The following DLGAP1 variants were observed in gnomAD, a reference collection of about 807,000 sequenced individuals.
DLGAP1 encodes the protein DLG associated protein 1.
In DLGAP1, 11 loss-of-function variants were observed where a neutral mutation model predicts 90.8. The observed-to-expected ratio is 0.12, with a 90% CI of 0.08 to 0.20. DLGAP1 has a LOEUF of 0.20. Among genes scored for constraint, DLGAP1 ranks in the 10% least tolerant of loss-of-function variants. DLGAP1 has a pLI of 1.00. For missense variants in DLGAP1, 1,050 were observed against 1,333.8 expected, an observed-to-expected ratio of 0.79 and a Z score of 3.31; for synonymous variants, 558 against 540.7, an observed-to-expected ratio of 1.03 and a Z score of -0.44.
At chr18:4,228,904 T>C (rs1214074026) in intron 1 of DLGAP1, among the ~76,000 whole-genome samples, 1 of 152,016 alleles carries the variant, frequency 6.6e-6, no homozygotes, top group African/African-American at 2.4e-5. Context: ...TGTCAAATTA[T>C]CCTTGTTTGC....
At chr18:3,738,051 C>T (rs985154775) in intron 6 of DLGAP1, among the ~76,000 whole-genome samples, 6,736 of 150,128 alleles carry the variant, frequency 0.045, 492 homozygotes, top group African/African-American at 0.16. Flanking sequence ...AAAATACCTA[C>T]GAATCCAACT....
At chr18:4,356,491 G>T (rs574811191) in intron 1 of DLGAP1, among the ~76,000 whole-genome samples, 22 of 151,994 alleles carry the variant, frequency 1.4e-4, no homozygotes, top group Non-Finnish European at 2.5e-4. Context: ...TATATTTCTA[G>T]CAACACAAGT....
At chr18:4,045,000 A>G (rs1056009873) in intron 2 of DLGAP1, among the ~76,000 whole-genome samples, 1 of 152,144 alleles carries the variant, frequency 6.6e-6, no homozygotes, top group African/African-American at 2.4e-5. Flanking sequence ...ACACCAAGAT[A>G]AACCAAAGAA....
At chr18:4,018,280 G>A (rs117265573) in intron 2 of DLGAP1, among the ~76,000 whole-genome samples, 3 of 152,196 alleles carry the variant, frequency 2.0e-5, no homozygotes, top group South Asian at 2.1e-4. Flanking sequence ...CTGGAGTCCC[G>A]AGCTGGGATG....
At chr18:4,317,431 C>T (rs1172172831) in intron 1 of DLGAP1, among the ~76,000 whole-genome samples, 1 of 152,142 alleles carries the variant, frequency 6.6e-6, no homozygotes, top group African/African-American at 2.4e-5. Context: ...GGTATCATGA[C>T]ATAGAATTAC....
At chr18:4,070,110 G>A (rs12961240) in intron 2 of DLGAP1, among the ~76,000 whole-genome samples, 80,547 of 151,606 alleles carry the variant, frequency 0.53, 22,405 homozygotes, top group Non-Finnish European at 0.63. Context: ...GGCCTCCTGC[G>A]TAGCAGGGAT....
chr18:4,136,960 T>G (rs1193979666), intron 2 of DLGAP1, among the ~76,000 whole-genome samples: 1 of 152,198 alleles, frequency 6.6e-6, no homozygotes, highest in Non-Finnish European at 1.5e-5. Flanking sequence ...GCAGGTTAGT[T>G]ACATATGTAT....
chr18:4,292,195 G>A (rs2079865516), intron 1 of DLGAP1, among the ~76,000 whole-genome samples: 1 of 152,108 alleles, frequency 6.6e-6, no homozygotes, highest in African/African-American at 2.4e-5. Context: ...TAATTAGGCA[G>A]CATTAGCAAC....
At chr18:4,063,376 A>G (rs1174621266) in intron 2 of DLGAP1, among the ~76,000 whole-genome samples, 1 of 152,116 alleles carries the variant, frequency 6.6e-6, no homozygotes, top group African/African-American at 2.4e-5. Flanking sequence ...AGCTAGCAGG[A>G]AAGTCTCTTA....
chr18:4,256,393 C>T (rs1202030201), intron 1 of DLGAP1, among the ~76,000 whole-genome samples: 1 of 152,034 alleles, frequency 6.6e-6, no homozygotes, highest in African/African-American at 2.4e-5. Context: ...CAGTGAGATC[C>T]CCTCTATAAT....
At chr18:3,852,514 T>C (rs1301462669) in intron 4 of DLGAP1, among the ~76,000 whole-genome samples, 1 of 152,204 alleles carries the variant, frequency 6.6e-6, no homozygotes, top group Non-Finnish European at 1.5e-5. Context: ...TCATGTTTTC[T>C]AGGGGAAGAT....
intron 2 of DLGAP1, among the ~76,000 whole-genome samples, chr18:4,020,969 C>T (rs2074599129): frequency 6.6e-6 from 1 of 152,122 alleles, no homozygotes; most frequent in South Asian, 2.1e-4. Context: ...ACTGGTTCAA[C>T]CAGCTCGGCA....
intron 1 of DLGAP1, among the ~76,000 whole-genome samples, chr18:4,354,532 T>C (rs1017252944): frequency 6.6e-6 from 1 of 152,184 alleles, no homozygotes; most frequent in South Asian, 2.1e-4. Context: ...CCTTAAGTCT[T>C]TGCCTCTTCA....
intron 7 of DLGAP1, among the ~76,000 whole-genome samples, chr18:3,665,895 T>A (rs1051397692): frequency 6.6e-6 from 1 of 152,202 alleles, no homozygotes; most frequent in Non-Finnish European, 1.5e-5. Flanking sequence ...ATTAAAGAGC[T>A]GGGCAGGAGG....
At chr18:3,962,986 C>T (rs910653328) in intron 3 of DLGAP1, among the ~76,000 whole-genome samples, 4 of 152,090 alleles carry the variant, frequency 2.6e-5, no homozygotes, top group Admixed American at 6.6e-5. Flanking sequence ...GTTATCTATT[C>T]ATGCTCATGT....
intron 4 of DLGAP1, among the ~76,000 whole-genome samples, chr18:3,823,734 G>A (rs752979996): frequency 2.6e-5 from 4 of 152,014 alleles, no homozygotes; most frequent in African/African-American, 4.8e-5. Flanking sequence ...CAGATCACCT[G>A]AGGTCAGGAG....
chr18:3,698,317 T>C (rs550847807), intron 7 of DLGAP1, among the ~76,000 whole-genome samples: 1 of 152,338 alleles, frequency 6.6e-6, no homozygotes, highest in African/African-American at 2.4e-5. Flanking sequence ...CTGCAGTGGC[T>C]GGTACTGGTT....
At chr18:4,388,996 T>C (rs533450527) in intron 1 of DLGAP1, among the ~76,000 whole-genome samples, 1 of 152,252 alleles carries the variant, frequency 6.6e-6, no homozygotes, top group South Asian at 2.1e-4. Context: ...GATCCAGCAG[T>C]TCCACTTCTG....
At chr18:4,369,091 A>C (rs1399388456) in intron 1 of DLGAP1, among the ~76,000 whole-genome samples, 1 of 152,184 alleles carries the variant, frequency 6.6e-6, no homozygotes, top group Non-Finnish European at 1.5e-5. Context: ...GCAAAGATGG[A>C]TCTCTAAGGT....
Sources: gnomAD v4.1 joint callset for allele counts (sites outside exome capture counted in the v4.1 genomes callset) on GRCh38, gnomAD v4.1.1 for gene constraint, MANE v1.5 for transcripts, NCBI Gene and HGNC (gene_info 2026-07-23, HGNC 2026-07-21) for gene names.